SCHIP1: variants seen among roughly 807,000 people sequenced by gnomAD.
The protein encoded by SCHIP1 is schwannomin-interacting protein 1.
A neutral mutation model predicts 29.7 loss-of-function variants in SCHIP1; 8 were observed. The observed-to-expected ratio is 0.27, with a 90% CI of 0.16 to 0.49. The LOEUF is 0.49. SCHIP1 is among the 20% of genes least tolerant of loss of function. The pLI, the probability that SCHIP1 is intolerant of heterozygous loss-of-function variation, is 0.99. For missense variants in SCHIP1, 193 were observed against 294.6 expected (o/e 0.66, Z 2.52); for synonymous variants, 76 against 94.9 (o/e 0.80, Z 1.16).
the SCHIP1 span, among the ~76,000 whole-genome samples, chr3:159,350,372 T>A: frequency 2.0e-5 from 3 of 152,270 alleles, no homozygotes; most frequent in South Asian, 6.2e-4. Flanking sequence ...GTGAAAATTT[T>A]TATGCAAAAA....
the SCHIP1 span, among the ~76,000 whole-genome samples, chr3:159,427,920 A>C: frequency 3.2e-4 from 48 of 151,360 alleles, no homozygotes; most frequent in East Asian, 8.9e-3. Flanking sequence ...TCTTTGACAA[A>C]CCTGAGAAAA....
the SCHIP1 span, among the ~76,000 whole-genome samples, chr3:159,507,408 G>C: frequency 6.6e-6 from 1 of 152,192 alleles, no homozygotes; most frequent in South Asian, 2.1e-4. Flanking sequence ...CATGTCATCT[G>C]CAAACAGGGA....
the SCHIP1 span, among the ~76,000 whole-genome samples, chr3:159,507,930 T>A: frequency 6.6e-6 from 1 of 152,192 alleles, no homozygotes; most frequent in African/African-American, 2.4e-5. Context: ...AAAATTCTCT[T>A]TTTTTGTTGT....
At chr3:159,454,472 G>A in the SCHIP1 span, among the ~76,000 whole-genome samples, 2 of 152,232 alleles carry the variant, frequency 1.3e-5, no homozygotes, top group East Asian at 3.9e-4. Context: ...TGGGTTACCA[G>A]GTCTCAGGTA....
At chr3:159,872,687 G>A (rs1336650069) in intron 2 of SCHIP1, among the ~76,000 whole-genome samples, 1 of 152,160 alleles carries the variant, frequency 6.6e-6, no homozygotes, top group Admixed American at 6.6e-5. Context: ...CTCTCAGAAT[G>A]ATGGTTAATA....
chr3:159,516,978 A>T, the SCHIP1 span, among the ~76,000 whole-genome samples: 3 of 152,002 alleles, frequency 2.0e-5, no homozygotes, highest in Non-Finnish European at 4.4e-5. Context: ...ATTTTTGTTT[A>T]TTTTTTTTAC....
chr3:159,396,638 G>A, the SCHIP1 span, among the ~76,000 whole-genome samples: 11 of 152,142 alleles, frequency 7.2e-5, no homozygotes, highest in Non-Finnish European at 2.9e-5. Context: ...TAAGAATGTT[G>A]AATATTGGCC....
At chr3:159,522,916 G>A in the SCHIP1 span, among the ~76,000 whole-genome samples, 2 of 152,052 alleles carry the variant, frequency 1.3e-5, no homozygotes, top group Non-Finnish European at 2.9e-5. Flanking sequence ...TGCTATATCA[G>A]TTTTCTATAT....
the SCHIP1 span, among the ~76,000 whole-genome samples, chr3:159,279,718 A>G: frequency 1.3e-5 from 2 of 152,102 alleles, no homozygotes; most frequent in African/African-American, 4.8e-5. Flanking sequence ...GACCCTAGGT[A>G]ATTTAAGCTG....
intron 2 of SCHIP1, among the ~76,000 whole-genome samples, chr3:159,871,362 G>T (rs916524421): frequency 1.5e-5 from 2 of 131,806 alleles, no homozygotes; most frequent in Admixed American, 7.4e-5. Context: ...TGTTTGTTGG[G>T]GGGGGTGGGG....
At chr3:159,666,524 A>G in the SCHIP1 span, among the ~76,000 whole-genome samples, 1 of 152,324 alleles carries the variant, frequency 6.6e-6, no homozygotes, top group African/African-American at 2.4e-5. Flanking sequence ...AGTTATATTT[A>G]TATATGTACA....
At chr3:159,393,465 T>C in the SCHIP1 span, among the ~76,000 whole-genome samples, 1 of 152,130 alleles carries the variant, frequency 6.6e-6, no homozygotes, top group Non-Finnish European at 1.5e-5. Flanking sequence ...TGTAAGTCTT[T>C]AATCCATCTT....
chr3:159,370,559 G>A, the SCHIP1 span, among the ~76,000 whole-genome samples: 1 of 152,212 alleles, frequency 6.6e-6, no homozygotes, highest in Non-Finnish European at 1.5e-5. Context: ...GGTTGAGTCT[G>A]TGAGAGTGTT....
chr3:159,730,175 T>C, the SCHIP1 span, among the ~76,000 whole-genome samples: 1 of 152,192 alleles, frequency 6.6e-6, no homozygotes, highest in Non-Finnish European at 1.5e-5. Flanking sequence ...AATCTGTCTG[T>C]CCCTAGTGCC....
At chr3:159,496,641 T>A in the SCHIP1 span, among the ~76,000 whole-genome samples, 1 of 152,174 alleles carries the variant, frequency 6.6e-6, no homozygotes, top group African/African-American at 2.4e-5. Flanking sequence ...ATAGGAACAC[T>A]TTTACACTGT....
the SCHIP1 span, among the ~76,000 whole-genome samples, chr3:159,662,354 C>A: frequency 6.6e-6 from 1 of 152,196 alleles, no homozygotes; most frequent in Non-Finnish European, 1.5e-5. Context: ...AATTGCCTTG[C>A]TGAGAAAATT....
the SCHIP1 span, among the ~76,000 whole-genome samples, chr3:159,497,130 G>A: frequency 6.6e-6 from 1 of 151,988 alleles, no homozygotes; most frequent in Non-Finnish European, 1.5e-5. Context: ...GATAGCATTA[G>A]GAGATATATC....
At chr3:159,297,845 C>T in the SCHIP1 span, among the ~76,000 whole-genome samples, 1 of 152,180 alleles carries the variant, frequency 6.6e-6, no homozygotes, top group Non-Finnish European at 1.5e-5. Context: ...GCTCAAATGA[C>T]ATCTGTCAGA....
the SCHIP1 span, among the ~76,000 whole-genome samples, chr3:159,814,422 TG>T: frequency 1.3e-5 from 2 of 152,342 alleles, no homozygotes; most frequent in African/African-American, 4.8e-5. Flanking sequence ...CTGCACCCAG[TG>T]CTCTATAAGG....
Sources: allele counts gnomAD v4.1 joint callset (sites outside exome capture counted in the v4.1 genomes callset), GRCh38; gene constraint gnomAD v4.1.1; transcripts MANE v1.5; gene names NCBI Gene and HGNC (gene_info 2026-07-23, HGNC 2026-07-21).